ARAP3: variants seen among roughly 807,000 people sequenced by gnomAD.
The protein encoded by ARAP3 is arf-GAP with Rho-GAP domain, ANK repeat and PH domain-containing protein 3.
Under a neutral mutation model 169.2 loss-of-function variants are expected in ARAP3, and 82 were observed. That is an observed-to-expected ratio of 0.48 (90% CI 0.41 to 0.58). The LOEUF is 0.58. ARAP3 is among the 20% of genes least tolerant of loss of function. The pLI is 0.00. For synonymous variants in ARAP3, 791 were observed against 800.3 expected (o/e 0.99, Z 0.20); for missense variants, 1,764 against 2,018.0 (o/e 0.87, Z 2.41).
At position 141,669,850 on chromosome 5, in the gene ARAP3, A is replaced by G. The variant is rs370460144; in HGVS notation, c.2250-39T>C. On this transcript the variant is annotated intron_variant, in intron 15 of 32. Coordinates refer to ENST00000239440, the MANE Select transcript of ARAP3 (RefSeq NM_022481.6). Reference sequence around the variant, plus strand: ...GAGGTCAGGGAGGAGGATGGGACCAATGAGAGGGCTGTCAGGCTGGAGGTT... The same window carrying G: ...GAGGTCAGGGAGGAGGATGGGACCAGTGAGAGGGCTGTCAGGCTGGAGGTT... The G allele has an allele frequency of 2.4e-4, 385 of 1,611,956 alleles. 3 individuals carry two copies. Among genetic ancestry groups the G allele is most frequent in the Admixed American group, 3.8e-4 (23 of 59,930 alleles).
rs989694404 is a variant in ARAP3, at chr5:141,680,332, G to A, written c.155C>T (p.Thr52Ile). ...GCGTAGAATGCGTTTCCGGTGCCCT[G>A]TGGCGCTGATGCCCAACTGCTTCAA... ...EELKQLGISATGHRKRILRLL... is the reference protein window; with the variant it reads ...EELKQLGISAIGHRKRILRLL... Residue 52 changes from threonine to isoleucine, a missense_variant, in exon 2 of 33, where the codon ACA becomes ATA. Thr to Ile is a moderately conservative substitution (Grantham distance 89). This residue lies in a region of ARAP3 where 630 missense variants were observed against 678.7 expected (regional missense o/e 0.93). Coordinates refer to ENST00000239440, the MANE Select transcript of ARAP3 (RefSeq NM_022481.6). 6.2e-7 allele frequency: 1 copy of A among 1,614,242 alleles called. No homozygotes were observed. The highest frequency in any genetic ancestry group is 1.7e-5 in the Admixed American group (1 of 60,032).
Position 141,671,123 on chromosome 5 carries a change from G to A in ARAP3, c.1990+142C>T, listed in dbSNP as rs536580177. On this transcript the variant is annotated intron_variant, in intron 13 of 32. Coordinates refer to ENST00000239440, the MANE Select transcript of ARAP3 (RefSeq NM_022481.6). The surrounding 1 kb of genome is among the most constrained non-coding windows in gnomAD (Gnocchi z 4.9). Reference sequence around the variant, plus strand: ...AGCTATCACATGACATCAGGAGATAGGCCCTGGAGGATCTGAGGGTTTGGG... The same window carrying A: ...AGCTATCACATGACATCAGGAGATAAGCCCTGGAGGATCTGAGGGTTTGGG... 1.8e-6 allele frequency: 2 copies of A among 1,129,836 alleles called. No homozygotes were observed. Among genetic ancestry groups the A allele is most frequent in the South Asian group, 3.2e-5 (2 of 63,406 alleles). The allele number at this position is 1,129,836 out of a possible 1,614,324, so 70.0% of individuals were successfully genotyped here.
Position 141,672,433 on chromosome 5 carries a change from A to C in ARAP3, c.1385+119T>G. On this transcript the variant is annotated intron_variant, in intron 9 of 32. Transcript: ENST00000239440. This position sits in a 1 kb window ranked among gnomAD's most constrained non-coding sequence, Gnocchi z 4.9. ...CCCTTCTGACATCTTGACCTAGCTCACTGGACTACCATCTGTGCATACCCT... is the reference window on the plus strand; with the variant it reads ...CCCTTCTGACATCTTGACCTAGCTCCCTGGACTACCATCTGTGCATACCCT... 6.8e-7 allele frequency: 1 copy of C among 1,470,508 alleles called. No homozygotes were observed. The highest frequency in any genetic ancestry group is 9.3e-7 in the Non-Finnish European group (1 of 1,077,364). The allele number at this position is 1,470,508 out of a possible 1,614,324, so 91.1% of individuals were successfully genotyped here.
rs2099911359 is a variant in ARAP3 at position 141,671,016 on chromosome 5, T to A, written c.1990+249A>T. ...ACACTGTCTCCAGGGAGACTAGTCC[T>A]GACCTATGGGTCGGCCCTGTCAGGG... On this transcript the variant is annotated intron_variant, in intron 13 of 32. Transcript: ENST00000239440. The surrounding 1 kb of genome is among the most constrained non-coding windows in gnomAD (Gnocchi z 4.9). Among the ~76,000 whole-genome samples, 1 of 152,234 alleles carries A rather than the reference T, an allele frequency of 6.6e-6. No individual in the cohort carries two copies. The highest frequency in any genetic ancestry group is 2.4e-5 in the African/African-American group (1 of 41,454).
chr5:141,665,498 C>T (rs1286212187), intron 17 of ARAP3, 124 bp from the exon 18 acceptor site: 21 of 980,672 alleles, frequency 2.1e-5, no homozygotes, highest in Non-Finnish European at 3.1e-5. Context: ...TCAGTTGAAT[C>T]CTATGAGTTA....
At chr5:141,664,797 T>G in intron 19 of ARAP3, 125 bp downstream of exon 19, 2 of 1,222,856 alleles carry the variant, frequency 1.6e-6, no homozygotes, top group East Asian at 2.7e-5. Context: ...CCAGCTGCAG[T>G]TTCTGGAGGC....
Position 141,669,781 on chromosome 5 carries a change from A to C in ARAP3, c.2280T>G (p.Ala760=). The change falls in exon 16 of 33, where the codon GCT becomes GCG. Residue 760 remains alanine, a synonymous_variant. Coordinates refer to ENST00000239440, the MANE Select transcript of ARAP3 (RefSeq NM_022481.6). ...TGCCAAAATGCTGGATCCTCCCCCC[A>C]GCGAGGATGAGCTCAAAGGAAAAGG... ...RFPFSFELIL[A]GGRIQHFGTD... The C allele has an allele frequency of 1.9e-6, 3 of 1,614,116 alleles. No homozygotes were observed. Among genetic ancestry groups the C allele is most frequent in the Non-Finnish European group, 2.5e-6 (3 of 1,180,004 alleles).
In ARAP3 at chr5:141,670,006, T is replaced by C; in HGVS notation, c.2165A>G (p.Asn722Ser). ...TATGAGGCTGAGGGGTTCAGGGCTG[T>C]TTTCCGATGCAAACATTTCCAGAGC... Reference protein sequence around the residue: ...GAALEMFASENSPEPLSLIQP... With the variant: ...GAALEMFASESSPEPLSLIQP... The change falls in exon 15 of 33, where the codon AAC becomes AGC. Residue 722 changes from asparagine (N) to serine (S), a missense_variant. This residue lies in a region of ARAP3 where 1,112 missense variants were observed against 1,285.7 expected (regional missense o/e 0.86). Transcript: ENST00000239440. The C allele has an allele frequency of 6.3e-7, 1 of 1,597,254 alleles. No individual in the cohort carries two copies. The highest frequency in any genetic ancestry group is 1.1e-5 in the South Asian group (1 of 88,542).
At chr5:141,661,910 C>T in intron 20 of ARAP3, 121 bp from the exon 21 acceptor site, 1 of 1,483,764 alleles carries the variant, frequency 6.7e-7, no homozygotes, top group South Asian at 1.2e-5. Context: ...CTTCCCACCT[C>T]CCCCTGAGCC....
At chr5:141,658,540 C>T (rs1194691447) in intron 24 of ARAP3, 39 bp downstream of exon 24, 1 of 1,613,970 alleles carries the variant, frequency 6.2e-7, no homozygotes, top group Admixed American at 1.7e-5. Flanking sequence ...TGGAACCTCA[C>T]TATCCTCTTA....
chr5:141,657,725 C>T (rs562246747), intron 25 of ARAP3, among the ~76,000 whole-genome samples: 14 of 152,126 alleles, frequency 9.2e-5, no homozygotes, highest in Non-Finnish European at 1.6e-4. Context: ...GAAGATGACA[C>T]AAAGGGAGGA....
chr5:141,662,955 A>C (rs796901614), intron 19 of ARAP3, among the ~76,000 whole-genome samples: 2 of 152,332 alleles, frequency 1.3e-5, no homozygotes, highest in South Asian at 4.1e-4. Flanking sequence ...AAAACACACA[A>C]AACAAGGATA....
In ARAP3 at chr5:141,653,866, C is replaced by G; in HGVS notation, c.*84G>C. ...CACTGGATTCTGGAGTCTTTCCAGC[C>G]AGGGCAGAGGAAGCTGCAACAGTGC... On this transcript the variant is annotated 3_prime_UTR_variant, in exon 33 of 33. Coordinates refer to ENST00000239440, the MANE Select transcript of ARAP3 (RefSeq NM_022481.6). The G allele has an allele frequency of 6.7e-7, 1 of 1,491,456 alleles. No homozygotes were observed. Among genetic ancestry groups the G allele is most frequent in the East Asian group, 2.3e-5 (1 of 43,472 alleles). The allele number at this position is 1,491,456 out of a possible 1,614,324, so 92.4% of individuals were successfully genotyped here. A position where few individuals can be genotyped will look rare whatever the true frequency, so the allele number is the denominator to read the frequency against.
chr5:141,654,890 C>G (rs1391381801), intron 32 of ARAP3, among the ~76,000 whole-genome samples: 3 of 152,022 alleles, frequency 2.0e-5, no homozygotes, highest in African/African-American at 7.2e-5. Flanking sequence ...CAGGCATGCA[C>G]CACCACACCT....
chr5:141,680,105 T>A lies in ARAP3; in HGVS notation c.382A>T (p.Ser128Cys). The A allele has an allele frequency of 1.2e-6, 2 of 1,612,926 alleles. No homozygotes were observed. The highest frequency in any genetic ancestry group is 1.7e-6 in the Non-Finnish European group (2 of 1,179,346). The change falls in exon 2 of 33, where the codon AGC becomes TGC. Residue 128 changes from serine (S) to cysteine (C), a missense_variant. Ser to Cys is a moderately radical substitution (Grantham distance 112). Transcript: ENST00000239440. ...GGAGGCCTTGGGCTGGGCTCTGGGC[T>A]CCTGGACACTCCTGGTCCCCCGAGG... ...PALGGPGVSR[S>C]PEPSPRPPPL...
intron 22 of ARAP3, 143 bp downstream of exon 22, chr5:141,659,636 A>AG: frequency 7.3e-7 from 1 of 1,362,126 alleles, no homozygotes; most frequent in Non-Finnish European, 1.0e-6. Context: ...AAGAAGGGCC[A>AG]GGGCTCTGGG....
chr5:141,666,841 C>T (rs1402244373), intron 16 of ARAP3, 198 bp from the exon 17 acceptor site: 1 of 415,092 alleles, frequency 2.4e-6, no homozygotes, highest in Non-Finnish European at 4.2e-6. Context: ...TGGAGAAAGA[C>T]AGGAAAGAAA....
intron 4 of ARAP3, among the ~76,000 whole-genome samples, chr5:141,674,129 A>G (rs1412197338): frequency 6.6e-6 from 1 of 151,650 alleles, no homozygotes; most frequent in African/African-American, 2.4e-5. Flanking sequence ...ACGCCTGGCT[A>G]ATTTTGTATT....
chr5:141,675,061 C>G (rs2099911979), intron 4 of ARAP3, among the ~76,000 whole-genome samples: 1 of 152,206 alleles, frequency 6.6e-6, no homozygotes, highest in South Asian at 2.1e-4. Context: ...CTGACTGCAT[C>G]CTGTGTTGCC....
Sources: gnomAD v4.1 joint callset for allele counts (sites outside exome capture counted in the v4.1 genomes callset) on GRCh38, gnomAD v4.1.1 for gene constraint, gnomAD v4.1.1 regional missense constraint, Gnocchi (gnomAD v3.1) non-coding constraint, MANE v1.5 for transcripts, NCBI Gene and HGNC (gene_info 2026-07-23, HGNC 2026-07-21) for gene names.